DPEP1: variants seen among roughly 807,000 people sequenced by gnomAD.
The protein encoded by DPEP1 is beta-lactamase.
A neutral mutation model predicts 42.3 loss-of-function variants in DPEP1; 50 were observed. The observed-to-expected ratio is 1.18, with a 90% CI of 0.94 to 1.50. The LOEUF (loss-of-function observed/expected upper bound fraction) is 1.50, where lower values mean the gene tolerates loss of function less well. Among genes scored for constraint, DPEP1 ranks in the 40% most tolerant of loss-of-function variants. DPEP1 has a pLI of 0.00. For synonymous variants in DPEP1, 297 were observed against 234.0 expected, an observed-to-expected ratio of 1.27 and a Z score of -2.46; for missense variants, 663 against 553.0, an observed-to-expected ratio of 1.20 and a Z score of -1.99.
chr16:89,622,037 G>T (rs765059696), intron 1 of DPEP1, among the ~76,000 whole-genome samples: 3 of 152,166 alleles, frequency 2.0e-5, no homozygotes, highest in Non-Finnish European at 2.9e-5. Context: ...GCTGTCACCT[G>T]CGTCTCGACA....
chr16:89,634,747 CT>C (rs1289092882), intron 2 of DPEP1, among the ~76,000 whole-genome samples: 7 of 87,418 alleles, frequency 8.0e-5, no homozygotes, highest in African/African-American at 1.3e-4. Context: ...CCCCTTCCTT[CT>C]CCTTTCCCTT....
At chr16:89,631,988 G>A (rs1364791485) in intron 2 of DPEP1, among the ~76,000 whole-genome samples, 2 of 152,118 alleles carry the variant, frequency 1.3e-5, no homozygotes, top group African/African-American at 2.4e-5. Context: ...CAGGGAGGAG[G>A]GAGACATAAA....
intron 1 of DPEP1, among the ~76,000 whole-genome samples, chr16:89,615,313 A>C (rs537459606): frequency 6.6e-6 from 1 of 152,230 alleles, no homozygotes; most frequent in South Asian, 2.1e-4. Flanking sequence ...GGTCGGGCTG[A>C]GGCTCCCAGC....
At chr16:89,641,401 G>A (rs555687812), downstream of DPEP1, among the ~76,000 whole-genome samples, 132 of 152,326 alleles carry the variant, frequency 8.7e-4, no homozygotes, top group African/African-American at 3.0e-3. Flanking sequence ...CGGGCGTAAC[G>A]GGGGCTCACG....
In DPEP1 at chr16:89,637,447, CCT is replaced by C. The variant is rs1468295554; in HGVS notation, c.769-20_769-19del. ...AGGCCCTCCCAGCTCTCAGCTTCAC[CCT>C]GTCTTCCTTCTTGTGCAGAAACAGA... On this transcript the variant is annotated intron_variant, in intron 7 of 10. Coordinates refer to ENST00000690203, the MANE Select transcript of DPEP1 (RefSeq NM_001389466.1). 6.2e-7 allele frequency: 1 copy of C among 1,612,826 alleles called. No homozygotes were observed. Among genetic ancestry groups the C allele is most frequent in the African/African-American group, 1.3e-5 (1 of 75,076 alleles).
chr16:89,631,759 A>C (rs1420088264), intron 2 of DPEP1, among the ~76,000 whole-genome samples: 1 of 152,188 alleles, frequency 6.6e-6, no homozygotes, highest in Non-Finnish European at 1.5e-5. Context: ...CAGGAGGCTG[A>C]GGCAGGAGAA....
In DPEP1 at chr16:89,636,687, C is replaced by G. The variant is rs765614629; in HGVS notation, c.521+4C>G. Reference sequence around the variant, plus strand: ...CCCACAGCTGCAACACGCCCTGGTGCGTGACTCCCCATGGGAGGCCCCCGG... The same window carrying G: ...CCCACAGCTGCAACACGCCCTGGTGGGTGACTCCCCATGGGAGGCCCCCGG... On this transcript the variant is annotated splice_donor_region_variant and intron_variant, in intron 5 of 10. Coordinates refer to ENST00000690203, the MANE Select transcript of DPEP1 (RefSeq NM_001389466.1). The G allele has an allele frequency of 6.2e-7, 1 of 1,611,932 alleles. No homozygotes were observed. The highest frequency in any genetic ancestry group is 1.7e-5 in the Admixed American group (1 of 59,992).
At chr16:89,634,164 C>G (rs939912313) in intron 2 of DPEP1, among the ~76,000 whole-genome samples, 19 of 146,932 alleles carry the variant, frequency 1.3e-4, no homozygotes, top group African/African-American at 4.7e-4. Context: ...TCTCGGCTCA[C>G]TGCAAGCTCT....
chr16:89,634,021 G>C (rs967599994), intron 2 of DPEP1, among the ~76,000 whole-genome samples: 2 of 151,640 alleles, frequency 1.3e-5, no homozygotes, highest in African/African-American at 4.8e-5. Context: ...ACACAGATGA[G>C]ATCGTAGCCT....
intron 2 of DPEP1, among the ~76,000 whole-genome samples, chr16:89,632,468 G>C (rs534457391): frequency 6.6e-6 from 1 of 152,296 alleles, no homozygotes; most frequent in Admixed American, 6.5e-5. Context: ...CGCTAAAAAC[G>C]GGGGGTTTTA....
chr16:89,618,188 C>T (rs2059400924), intron 1 of DPEP1, among the ~76,000 whole-genome samples: 1 of 152,030 alleles, frequency 6.6e-6, no homozygotes, highest in Non-Finnish European at 1.5e-5. Context: ...CAAAATTGTA[C>T]AATTCACATT....
At chr16:89,629,491 C>A (rs1010385909) in intron 1 of DPEP1, among the ~76,000 whole-genome samples, 3 of 143,556 alleles carry the variant, frequency 2.1e-5, no homozygotes, top group African/African-American at 7.9e-5. Flanking sequence ...GATCCTCCTT[C>A]CCTGCCGGGC....
chr16:89,617,559 G>A (rs965588684), intron 1 of DPEP1, among the ~76,000 whole-genome samples: 5 of 82,696 alleles, frequency 6.0e-5, no homozygotes, highest in African/African-American at 1.7e-4. Context: ...CAGAAATGCT[G>A]GAAGGCGGCC....
intron 1 of DPEP1, among the ~76,000 whole-genome samples, chr16:89,614,713 T>C (rs565661047): frequency 3.3e-5 from 5 of 152,176 alleles, no homozygotes; most frequent in African/African-American, 1.2e-4. Flanking sequence ...GAGAATGGCG[T>C]GAACCCGGGA....
chr16:89,623,830 C>T (rs1451373763), intron 1 of DPEP1, among the ~76,000 whole-genome samples: 2 of 152,118 alleles, frequency 1.3e-5, no homozygotes, highest in African/African-American at 2.4e-5. Context: ...AAGAGGGATA[C>T]GGGCGACTGG....
chr16:89,629,514 C>G (rs1013236555), intron 1 of DPEP1, among the ~76,000 whole-genome samples: 1 of 151,318 alleles, frequency 6.6e-6, no homozygotes, highest in Non-Finnish European at 1.5e-5. Flanking sequence ...CCCCCACCCC[C>G]CCCCGAAGCC....
At chr16:89,618,992 CAG>C (rs2059412718) in intron 1 of DPEP1, among the ~76,000 whole-genome samples, 1 of 15,754 alleles carries the variant, frequency 6.3e-5, no homozygotes, top group Non-Finnish European at 1.2e-4. Flanking sequence ...CCCCTCCCTG[CAG>C]CCCCCTGCCC....
At chr16:89,624,629 G>A (rs1295749677) in intron 1 of DPEP1, among the ~76,000 whole-genome samples, 2 of 151,974 alleles carry the variant, frequency 1.3e-5, no homozygotes, top group African/African-American at 4.8e-5. Context: ...CTGCCTCCCA[G>A]GTTCAAGCGA....
At position 89,630,348 on chromosome 16, in the gene DPEP1, G is replaced by A. The variant is rs1319008790; in HGVS notation, c.-63G>A. ...GCCTGAAGCTCATCCTTCTGCACGGGCCAGCCAGGCCAGCACAGAGGCACC... is the reference window on the plus strand; with the variant it reads ...GCCTGAAGCTCATCCTTCTGCACGGACCAGCCAGGCCAGCACAGAGGCACC... On this transcript the variant is annotated 5_prime_UTR_variant, in exon 2 of 11. Transcript: ENST00000690203. 1.4e-6 allele frequency: 2 copies of A among 1,419,988 alleles called. No homozygotes were observed. The highest frequency in any genetic ancestry group is 2.0e-6 in the Non-Finnish European group (2 of 1,019,802). The allele number at this position is 1,419,988 out of a possible 1,614,324, so 88.0% of individuals were successfully genotyped here. A position where few individuals can be genotyped will look rare whatever the true frequency, so the allele number is the denominator to read the frequency against.
Sources: allele counts gnomAD v4.1 joint callset (sites outside exome capture counted in the v4.1 genomes callset), GRCh38; gene constraint gnomAD v4.1.1; transcripts MANE v1.5; gene names NCBI Gene and HGNC (gene_info 2026-07-23, HGNC 2026-07-21).